The following NCKAP5 variants were observed in gnomAD, a reference collection of about 807,000 sequenced individuals.
NCKAP5 encodes the protein nck-associated protein 5.
A neutral mutation model predicts 167.0 loss-of-function variants in NCKAP5; 92 were observed. The ratio of observed to expected loss-of-function variants is 0.55; its 90% CI spans 0.47 to 0.66. The LOEUF (loss-of-function observed/expected upper bound fraction) is 0.66. NCKAP5 is among the 30% of genes least tolerant of loss of function. The pLI is 0.00. For synonymous variants in NCKAP5, 891 were observed against 877.4 expected (o/e 1.02, Z -0.27); for missense variants, 2,378 against 2,315.0 (o/e 1.03, Z -0.56).
chr2:133,489,892 C>T (rs1400917189), intron 3 of NCKAP5, among the ~76,000 whole-genome samples: 6 of 152,108 alleles, frequency 3.9e-5, no homozygotes, highest in African/African-American at 1.4e-4. Context: ...GTGGTAGAAA[C>T]TGTGATAACC....
At chr2:133,089,629 A>G (rs569142810) in intron 6 of NCKAP5, among the ~76,000 whole-genome samples, 32 of 152,374 alleles carry the variant, frequency 2.1e-4, no homozygotes, top group South Asian at 1.7e-3. Context: ...TTCAATGTAC[A>G]TTGAAACTAT....
intron 16 of NCKAP5, among the ~76,000 whole-genome samples, chr2:132,736,154 G>C (rs775106901): frequency 2.6e-5 from 4 of 152,160 alleles, no homozygotes; most frequent in Non-Finnish European, 5.9e-5. Flanking sequence ...CCTATGAAGT[G>C]AGGTGTGGAC....
At chr2:133,614,693 G>A in the NCKAP5 span, among the ~76,000 whole-genome samples, 66 of 152,298 alleles carry the variant, frequency 4.3e-4, no homozygotes, top group East Asian at 8.3e-3. Context: ...TGAAAGTGAC[G>A]GGGAGAACGG....
At chr2:132,918,483 A>AT (rs58110266) in intron 8 of NCKAP5, among the ~76,000 whole-genome samples, 39 of 151,488 alleles carry the variant, frequency 2.6e-4, no homozygotes, top group Middle Eastern at 6.8e-3. Context: ...ATATTTTGTA[A>AT]TTTTTTTTTA....
chr2:133,021,799 T>A (rs1223753180), intron 6 of NCKAP5, among the ~76,000 whole-genome samples: 2 of 152,078 alleles, frequency 1.3e-5, no homozygotes, highest in Non-Finnish European at 2.9e-5. Context: ...CCTGGCTAAT[T>A]TTTTGTATTT....
chr2:132,734,058 C>A (rs1005137007), intron 16 of NCKAP5, among the ~76,000 whole-genome samples: 3 of 152,214 alleles, frequency 2.0e-5, no homozygotes, highest in Non-Finnish European at 4.4e-5. Context: ...AAGTGCTTTT[C>A]TTTCCCAGGA....
chr2:133,313,259 T>C (rs1461737125), intron 3 of NCKAP5, among the ~76,000 whole-genome samples: 4 of 152,224 alleles, frequency 2.6e-5, no homozygotes, highest in African/African-American at 9.6e-5. Context: ...AAATGAGTTT[T>C]CAAATTCTAC....
chr2:133,069,018 A>G (rs951208467), intron 6 of NCKAP5, among the ~76,000 whole-genome samples: 3 of 152,188 alleles, frequency 2.0e-5, no homozygotes, highest in Non-Finnish European at 2.9e-5. Flanking sequence ...TGCTTACTCA[A>G]TTGGATAATG....
At chr2:133,426,854 C>G (rs969469235) in intron 3 of NCKAP5, among the ~76,000 whole-genome samples, 6 of 152,048 alleles carry the variant, frequency 3.9e-5, no homozygotes, top group Non-Finnish European at 8.8e-5. Context: ...TTCTGTAAAT[C>G]TCAAGCTGTT....
intron 3 of NCKAP5, among the ~76,000 whole-genome samples, chr2:133,471,817 G>A (rs1204896974): frequency 6.6e-6 from 1 of 152,148 alleles, no homozygotes; most frequent in Non-Finnish European, 1.5e-5. Flanking sequence ...GGCTACCACT[G>A]CAATGCCCAG....
At chr2:132,746,309 T>C (rs1303796842) in intron 16 of NCKAP5, among the ~76,000 whole-genome samples, 1 of 152,132 alleles carries the variant, frequency 6.6e-6, no homozygotes. Flanking sequence ...GGAAGAAAGA[T>C]AGTGTTTCAA....
At chr2:133,573,944 C>T in the NCKAP5 span, among the ~76,000 whole-genome samples, 5 of 152,110 alleles carry the variant, frequency 3.3e-5, no homozygotes, top group South Asian at 2.1e-4. Context: ...TTTTAACCTG[C>T]GAACAGAGTC....
intron 3 of NCKAP5, among the ~76,000 whole-genome samples, chr2:133,343,026 A>C (rs1049317256): frequency 3.3e-5 from 5 of 152,204 alleles, no homozygotes; most frequent in African/African-American, 1.2e-4. Context: ...CTTCTAAGGT[A>C]TACTAAAGGT....
chr2:133,128,728 G>T (rs960226691), intron 6 of NCKAP5, among the ~76,000 whole-genome samples: 1 of 152,028 alleles, frequency 6.6e-6, no homozygotes, highest in Non-Finnish European at 1.5e-5. Context: ...CTCCCGAGTA[G>T]CTGGGAATAC....
At position 132,782,708 on chromosome 2, in the gene NCKAP5, A is replaced by G; in HGVS notation, c.4103T>C (p.Leu1368Ser). 6.2e-7 allele frequency: 1 copy of G among 1,613,972 alleles called. No individual in the cohort carries two copies. Among genetic ancestry groups the G allele is most frequent in the Non-Finnish European group, 8.5e-7 (1 of 1,179,872 alleles). The change falls in exon 14 of 20, where the codon TTG becomes TCG. Residue 1368 changes from leucine to serine, a missense_variant. Leu to Ser is a moderately radical substitution (Grantham distance 145). This residue lies in a region of NCKAP5 where 1,325 missense variants were observed against 1,274.5 expected (regional missense o/e 1.04). Transcript: ENST00000409261. The part of the protein sequence containing the change: ...FSSQHGSPSK[L>S]PLRIPPKSEG... Reference sequence around the variant, plus strand: ...AGACTTTGGAGGGATCCTCAAAGGCAACTTACTTGGGCTCCCATGCTGACT... The same window carrying G: ...AGACTTTGGAGGGATCCTCAAAGGCGACTTACTTGGGCTCCCATGCTGACT...
chr2:133,478,666 G>A (rs908889382), intron 3 of NCKAP5, among the ~76,000 whole-genome samples: 3 of 152,098 alleles, frequency 2.0e-5, no homozygotes, highest in Non-Finnish European at 4.4e-5. Context: ...GATTTATGAC[G>A]AAACATACAG....
At chr2:133,062,941 G>A (rs1238601416) in intron 6 of NCKAP5, among the ~76,000 whole-genome samples, 1 of 152,160 alleles carries the variant, frequency 6.6e-6, no homozygotes, top group Non-Finnish European at 1.5e-5. Context: ...CTAAATTACA[G>A]CATAAGGATG....
intron 8 of NCKAP5, among the ~76,000 whole-genome samples, chr2:132,884,334 T>C (rs959403619): frequency 3.3e-5 from 5 of 152,220 alleles, no homozygotes; most frequent in Non-Finnish European, 7.3e-5. Flanking sequence ...CTGACTTTGC[T>C]GTTCCCTTCA....
intron 3 of NCKAP5, among the ~76,000 whole-genome samples, chr2:133,464,073 T>C (rs1692375894): frequency 6.6e-6 from 1 of 152,142 alleles, no homozygotes; most frequent in South Asian, 2.1e-4. Flanking sequence ...GCCCCAACTT[T>C]CCATCAACGG....
Sources: gnomAD v4.1 joint callset for allele counts (sites outside exome capture counted in the v4.1 genomes callset) on GRCh38, gnomAD v4.1.1 for gene constraint, gnomAD v4.1.1 regional missense constraint, MANE v1.5 for transcripts, NCBI Gene and HGNC (gene_info 2026-07-23, HGNC 2026-07-21) for gene names.